Variants in HIVEP3 observed in about 807,000 individuals in gnomAD.
HIVEP3 encodes transcription factor HIVEP3.
In HIVEP3, 49 loss-of-function variants were observed where a neutral mutation model predicts 152.8. The observed-to-expected ratio is 0.32, with a 90% CI of 0.26 to 0.41. HIVEP3 has a LOEUF of 0.41. Among genes scored for constraint, HIVEP3 ranks in the 10% least tolerant of loss-of-function variants. The pLI, the probability that HIVEP3 is intolerant of heterozygous loss-of-function variation, is 1.00. For missense variants in HIVEP3, 2,790 were observed against 3,103.3 expected, an observed-to-expected ratio of 0.90 and a Z score of 2.40; for synonymous variants, 1,269 against 1,289.0, an observed-to-expected ratio of 0.98 and a Z score of 0.33.
intron 1 of HIVEP3, among the ~76,000 whole-genome samples, chr1:41,717,756 T>G (rs1358874901): frequency 1.3e-5 from 2 of 152,228 alleles, no homozygotes; most frequent in African/African-American, 4.8e-5. Flanking sequence ...TTCTGCCTGT[T>G]TATCCAGGGG....
chr1:41,523,647 G>C (rs915365421), intron 6 of HIVEP3, among the ~76,000 whole-genome samples: 7 of 152,082 alleles, frequency 4.6e-5, no homozygotes, highest in Non-Finnish European at 1.0e-4. Context: ...GACCCTGCTG[G>C]GCCCCCTCCA....
chr1:41,690,618 G>A (rs1306392122), intron 2 of HIVEP3, among the ~76,000 whole-genome samples: 4 of 152,158 alleles, frequency 2.6e-5, no homozygotes, highest in Non-Finnish European at 4.4e-5. Flanking sequence ...CATATTGTTG[G>A]CTGAAAGCAT....
At chr1:41,937,883 G>A (rs1214374454) in intron 1 of HIVEP3, among the ~76,000 whole-genome samples, 1 of 152,184 alleles carries the variant, frequency 6.6e-6, no homozygotes, top group African/African-American at 2.4e-5. Context: ...CCAATCATGA[G>A]CACTTGTTCA....
chr1:41,856,764 T>C (rs1395082782), intron 1 of HIVEP3, among the ~76,000 whole-genome samples: 10 of 152,120 alleles, frequency 6.6e-5, no homozygotes, highest in African/African-American at 2.4e-4. Flanking sequence ...CTCTCCTTGC[T>C]TTGTTGACGG....
At chr1:41,865,109 A>C (rs1394101745) in intron 1 of HIVEP3, among the ~76,000 whole-genome samples, 2 of 152,222 alleles carry the variant, frequency 1.3e-5, no homozygotes, top group African/African-American at 4.8e-5. Context: ...TTCTCAATGT[A>C]GACACTTGGA....
At chr1:41,747,243 A>G (rs1248045013) in intron 1 of HIVEP3, among the ~76,000 whole-genome samples, 2 of 152,240 alleles carry the variant, frequency 1.3e-5, no homozygotes, top group African/African-American at 2.4e-5. Context: ...ACGCTGGGCC[A>G]GCACAGGCAT....
At chr1:41,745,043 G>T (rs886164807) in intron 1 of HIVEP3, among the ~76,000 whole-genome samples, 1 of 152,236 alleles carries the variant, frequency 6.6e-6, no homozygotes. Flanking sequence ...GTAAGCTCCA[G>T]CCAGAACCTG....
At chr1:41,919,303 G>A (rs118161657), upstream of HIVEP3, among the ~76,000 whole-genome samples, 18 of 152,230 alleles carry the variant, frequency 1.2e-4, no homozygotes, top group East Asian at 3.3e-3. Context: ...GTCAGCAAGC[G>A]TGTCACACCT....
chr1:41,814,611 G>A (rs1054344449), intron 1 of HIVEP3, among the ~76,000 whole-genome samples: 1 of 152,156 alleles, frequency 6.6e-6, no homozygotes, highest in African/African-American at 2.4e-5. Context: ...TCAAAATTAT[G>A]AGTTGGCCTA....
intron 3 of HIVEP3, among the ~76,000 whole-genome samples, chr1:41,591,796 C>T (rs1644592147): frequency 6.6e-6 from 1 of 152,150 alleles, no homozygotes; most frequent in East Asian, 1.9e-4. Flanking sequence ...CACATGAGCA[C>T]ATTCCTGTCC....
chr1:41,878,201 T>G (rs1644200783), intron 1 of HIVEP3, among the ~76,000 whole-genome samples: 1 of 152,200 alleles, frequency 6.6e-6, no homozygotes, highest in South Asian at 2.1e-4. Context: ...AAATACGAAT[T>G]AAGCACCATG....
Position 41,506,540 on chromosome 1 carries a change from A to G in HIVEP3, c.*3911T>C, listed in dbSNP as rs991030060. ...AAGGTCACACACATCAATACTGAGC[A>G]TTTTTCCTTTTGTACGTCAGACTCT... On this transcript the variant is annotated 3_prime_UTR_variant, in exon 9 of 9. Coordinates refer to ENST00000372583, the MANE Select transcript of HIVEP3 (RefSeq NM_024503.5). 1.3e-5 allele frequency: 2 copies of G among 151,180 alleles called. No individual in the cohort carries two copies. Among genetic ancestry groups the G allele is most frequent in the African/African-American group, 4.9e-5 (2 of 41,020 alleles). The allele number at this position is 151,180 out of a possible 1,614,324, so 9.4% of individuals were successfully genotyped here. A position where few individuals can be genotyped will look rare whatever the true frequency, so the allele number is the denominator to read the frequency against.
intron 1 of HIVEP3, among the ~76,000 whole-genome samples, chr1:41,871,551 A>T (rs759799538): frequency 8.5e-5 from 13 of 152,266 alleles, no homozygotes; most frequent in Non-Finnish European, 1.6e-4. Context: ...ATCTTTAAAC[A>T]GTAAGTGAAC....
chr1:41,798,146 C>G (rs1002925214), intron 1 of HIVEP3, among the ~76,000 whole-genome samples: 5 of 151,650 alleles, frequency 3.3e-5, no homozygotes, highest in African/African-American at 1.2e-4. Context: ...TCGTGGGGTG[C>G]GGGGAGTGGG....
At chr1:41,857,465 A>C (rs1643799437) in intron 1 of HIVEP3, among the ~76,000 whole-genome samples, 1 of 152,184 alleles carries the variant, frequency 6.6e-6, no homozygotes, top group South Asian at 2.1e-4. Context: ...GATTTAAAGA[A>C]GAATGTATTT....
At chr1:41,954,184 C>T (rs142420757) in intron 1 of HIVEP3, among the ~76,000 whole-genome samples, 1 of 152,180 alleles carries the variant, frequency 6.6e-6, no homozygotes, top group South Asian at 2.1e-4. Flanking sequence ...ACAGATGCAG[C>T]GCTGGATGTG....
At chr1:41,676,178 A>G (rs1221669261) in intron 2 of HIVEP3, among the ~76,000 whole-genome samples, 2 of 151,720 alleles carry the variant, frequency 1.3e-5, no homozygotes. Context: ...TAACCTCCCC[A>G]GTAGCTGGGA....
chr1:41,672,074 C>T (rs990770914), intron 2 of HIVEP3, among the ~76,000 whole-genome samples: 1 of 152,106 alleles, frequency 6.6e-6, no homozygotes, highest in African/African-American at 2.4e-5. Flanking sequence ...GGGCCCTTAG[C>T]GCATGAGTGT....
At position 41,845,404 on chromosome 1, in the gene HIVEP3, TACAC is replaced by T. The variant is rs1181074543; in HGVS notation, c.-801+73005_-801+73008del. Among the ~76,000 whole-genome samples, 11 of 119,406 alleles carry T rather than the reference TACAC, an allele frequency of 9.2e-5. No individual in the cohort carries two copies. In the East Asian group the frequency reaches 1.7e-3, roughly 19 times the overall value. 78.3% of individuals were successfully genotyped at this position (119,406 alleles called of 152,430 possible). A position where few individuals can be genotyped will look rare whatever the true frequency, so the allele number is the denominator to read the frequency against. On this transcript the variant is annotated intron_variant, in intron 1 of 8. Coordinates refer to ENST00000372583, the MANE Select transcript of HIVEP3 (RefSeq NM_024503.5). ...GCAACAACCACCTACACACCTCCTA[TACAC>T]ACACACACACGCACACACACACACA...
Sources: allele counts gnomAD v4.1 joint callset (sites outside exome capture counted in the v4.1 genomes callset), GRCh38; gene constraint gnomAD v4.1.1; transcripts MANE v1.5; gene names NCBI Gene and HGNC (gene_info 2026-07-23, HGNC 2026-07-21).